Variants in DIAPH2 observed in about 807,000 individuals in gnomAD.
DIAPH2 encodes diaphanous related formin 2, also known as protein diaphanous homolog 2.
DIAPH2 carries 35 observed loss-of-function variants against 92.7 expected under a neutral mutation model. The observed-to-expected ratio is 0.38, with a 90% confidence interval of 0.29 to 0.50. DIAPH2 has a LOEUF of 0.50. Among genes scored for constraint, DIAPH2 ranks in the 20% least tolerant of loss-of-function variants. The pLI, the probability that DIAPH2 is intolerant of heterozygous loss-of-function variation, is 0.94. For missense variants in DIAPH2, 701 were observed against 819.5 expected (o/e 0.86, Z 1.77); for synonymous variants, 301 against 280.4 (o/e 1.07, Z -0.73).
chrX:97,033,594 C>T (rs2066391197), intron 17 of DIAPH2, among the ~76,000 whole-genome samples: 1 of 111,616 alleles, frequency 9.0e-6, no homozygotes, highest in Admixed American at 9.5e-5. Flanking sequence ...AATAGTATAA[C>T]AACATAAGTA....
intron 26 of DIAPH2, among the ~76,000 whole-genome samples, chrX:97,507,794 G>A (rs1230979508): frequency 9.0e-6 from 1 of 111,378 alleles, no homozygotes; most frequent in Non-Finnish European, 1.9e-5. Context: ...GGCTATAGAT[G>A]TCCCTAATTC....
chrX:97,482,092 G>A (rs771867261), intron 26 of DIAPH2, among the ~76,000 whole-genome samples: 21 of 112,009 alleles, frequency 1.9e-4, no homozygotes, highest in Non-Finnish European at 3.0e-4. Context: ...GAAACGTAAA[G>A]CACTAAGTAT....
chrX:97,221,465 T>C (rs2067924279), intron 22 of DIAPH2, among the ~76,000 whole-genome samples: 3 of 112,120 alleles, frequency 2.7e-5, no homozygotes, highest in East Asian at 2.8e-4. Flanking sequence ...TAATAACTTA[T>C]AAAACACGTG....
chrX:97,105,666 T>A (rs1353352062), intron 20 of DIAPH2, among the ~76,000 whole-genome samples: 2 of 112,203 alleles, frequency 1.8e-5, no homozygotes, highest in Admixed American at 9.5e-5. Context: ...GCACAGGGGA[T>A]GGAGACCCAT....
chrX:97,361,763 G>A (rs772185693), intron 24 of DIAPH2, among the ~76,000 whole-genome samples: 21 of 111,882 alleles, frequency 1.9e-4, no homozygotes, highest in Non-Finnish European at 3.9e-4. Flanking sequence ...TCTAACAAAG[G>A]AGAGTGTGTT....
intron 22 of DIAPH2, among the ~76,000 whole-genome samples, chrX:97,244,137 G>A (rs767723090): frequency 8.9e-6 from 1 of 112,106 alleles, no homozygotes; most frequent in East Asian, 2.8e-4. Flanking sequence ...TTGGAGTAGA[G>A]CTCTGGAGAG....
At chrX:96,945,486 T>G in intron 13 of DIAPH2, 41 bp from the exon 14 acceptor site, 10 of 1,042,356 alleles carry the variant, frequency 9.6e-6, no homozygotes, top group Non-Finnish European at 1.3e-5. Context: ...TCTAGTGATC[T>G]CATGCCATAA....
chrX:97,197,507 T>C (rs906986131), intron 22 of DIAPH2, among the ~76,000 whole-genome samples: 10 of 112,210 alleles, frequency 8.9e-5, no homozygotes, highest in Non-Finnish European at 1.7e-4. Context: ...TAAGGTAGAG[T>C]GTAAGTTATT....
intron 9 of DIAPH2, among the ~76,000 whole-genome samples, chrX:96,921,323 A>G (rs1156289064): frequency 9.0e-6 from 1 of 111,160 alleles, no homozygotes; most frequent in South Asian, 3.8e-4. Context: ...TAAATCGCAT[A>G]TCTTCATACA....
chrX:97,177,862 A>G (rs1357454993), intron 22 of DIAPH2, among the ~76,000 whole-genome samples: 1 of 110,896 alleles, frequency 9.0e-6, no homozygotes, highest in African/African-American at 3.3e-5. Context: ...TATTAATATC[A>G]ATAAAGCGGT....
At chrX:97,072,671 A>G (rs1363042264) in intron 17 of DIAPH2, among the ~76,000 whole-genome samples, 6 of 111,947 alleles carry the variant, frequency 5.4e-5, no homozygotes, top group Middle Eastern at 4.7e-3. Context: ...TAAAGGAGTA[A>G]TTAATGTTGC....
At chrX:96,810,252 A>G (rs2064666413) in intron 4 of DIAPH2, among the ~76,000 whole-genome samples, 2 of 111,960 alleles carry the variant, frequency 1.8e-5, no homozygotes, top group Non-Finnish European at 3.8e-5. Flanking sequence ...TTTGATTTGC[A>G]TTTCTCTGAT....
chrX:96,888,592 CA>C, intron 5 of DIAPH2, among the ~76,000 whole-genome samples: 1 of 42,615 alleles, frequency 2.3e-5, no homozygotes, highest in African/African-American at 1.5e-4. Context: ...TATATATATA[CA>C]GATATATATA....
intron 3 of DIAPH2, 72 bp downstream of exon 3, chrX:96,738,834 G>C (rs2064102814): frequency 1.1e-6 from 1 of 883,642 alleles, no homozygotes. Context: ...TTTTAAGGAG[G>C]TGTGTTTGTA....
chrX:96,762,211 GA>G (rs1253134844), intron 4 of DIAPH2, among the ~76,000 whole-genome samples: 1 of 111,152 alleles, frequency 9.0e-6, no homozygotes, highest in African/African-American at 3.3e-5. Context: ...TTTATATTTG[GA>G]TTTTTGGATA....
At chrX:96,928,290 A>C (rs1004490519) in intron 9 of DIAPH2, among the ~76,000 whole-genome samples, 1 of 111,164 alleles carries the variant, frequency 9.0e-6, no homozygotes, top group East Asian at 2.8e-4. Flanking sequence ...TAAAGGACCT[A>C]ATACATTGTC....
intron 25 of DIAPH2, among the ~76,000 whole-genome samples, chrX:97,390,527 C>A (rs1021816863): frequency 9.2e-6 from 1 of 108,972 alleles, no homozygotes; most frequent in Non-Finnish European, 1.9e-5. Context: ...ATTTTCTTTT[C>A]TTTTCTTTTC....
chrX:96,988,758 A>G (rs958505346), intron 17 of DIAPH2, among the ~76,000 whole-genome samples: 2 of 111,447 alleles, frequency 1.8e-5, no homozygotes, highest in African/African-American at 3.3e-5. Context: ...GACTGTAGAG[A>G]CAATCTTTAC....
chrX:96,996,037 G>A (rs938970194), intron 17 of DIAPH2, among the ~76,000 whole-genome samples: 2 of 110,877 alleles, frequency 1.8e-5, no homozygotes. Context: ...TACATTATAT[G>A]CTTATTTATC....
Sources: allele counts gnomAD v4.1 joint callset (sites outside exome capture counted in the v4.1 genomes callset), GRCh38; gene constraint gnomAD v4.1.1; transcripts MANE v1.5; gene names NCBI Gene and HGNC (gene_info 2026-07-23, HGNC 2026-07-21).